The following CPQ variants were observed in gnomAD, a reference collection of about 807,000 sequenced individuals.
The protein encoded by CPQ is carboxypeptidase Q.
In CPQ, 37 loss-of-function variants were observed where a neutral mutation model predicts 45.7. The ratio of observed to expected loss-of-function variants is 0.81; its 90% CI spans 0.62 to 1.07. CPQ has a LOEUF of 1.07. CPQ is among the 50% of genes least tolerant of loss of function. CPQ has a pLI of 0.00. For missense variants in CPQ, 537 were observed against 572.9 expected (o/e 0.94, Z 0.64); for synonymous variants, 186 against 205.8 (o/e 0.90, Z 0.82).
intron 7 of CPQ, among the ~76,000 whole-genome samples, chr8:97,093,445 A>C (rs916328358): frequency 2.0e-5 from 3 of 152,206 alleles, no homozygotes; most frequent in African/African-American, 7.2e-5. Flanking sequence ...GTGGATAAAG[A>C]AAATACATTC....
chr8:96,849,541 C>T (rs966911792), intron 3 of CPQ, among the ~76,000 whole-genome samples: 1 of 152,214 alleles, frequency 6.6e-6, no homozygotes, highest in Admixed American at 6.5e-5. Context: ...CAATATATCT[C>T]CAGGTCAGCT....
Position 96,854,557 on chromosome 8 carries a change from A to AAAACCAC in CPQ, c.641+19379_641+19380insACCACAA, listed in dbSNP as rs1554573253. Among the ~76,000 whole-genome samples the AAAACCAC allele has an allele frequency of 5.2e-5, 4 of 76,866 alleles. 2 individuals are homozygous for AAAACCAC. The highest frequency in any genetic ancestry group is 2.0e-4 in the African/African-American group (4 of 19,998). 50.4% of individuals were successfully genotyped at this position (76,866 alleles called of 152,430 possible). On this transcript the variant is annotated intron_variant, in intron 3 of 7. Coordinates refer to ENST00000220763, the MANE Select transcript of CPQ (RefSeq NM_016134.4). ...AAAAAAAAAAAAAAAAAAAAAAAAA[A>AAAACCAC]AATGTGGTGGAACTAAAAGCCCAGT... is the stretch of plus-strand genomic sequence containing the variant.
chr8:96,774,732 A>T (rs1015928460), intron 1 of CPQ, among the ~76,000 whole-genome samples: 1 of 152,122 alleles, frequency 6.6e-6, no homozygotes, highest in African/African-American at 2.4e-5. Context: ...TTGGTGTTGG[A>T]TATTTAGAAT....
chr8:96,978,105 G>A (rs1813820407), intron 5 of CPQ, among the ~76,000 whole-genome samples: 2 of 151,906 alleles, frequency 1.3e-5, no homozygotes, highest in African/African-American at 4.8e-5. Context: ...TTTTTATTCT[G>A]ATATGTTATT....
Position 96,662,157 on chromosome 8 carries a change from G to C in CPQ, c.-35+16755G>C, listed in dbSNP as rs559128244. 2.0e-5 allele frequency among the ~76,000 whole-genome samples: 3 copies of C among 152,240 alleles called. No homozygotes were observed. The East Asian group carries it at 5.8e-4, about 29-fold the overall frequency. On this transcript the variant is annotated intron_variant, in intron 1 of 7. Transcript: ENST00000220763. Reference sequence around the variant, plus strand: ...TGTTTTCTTGTTGCTGAGTTTTTAAGAGTTCTTTGTATATTTTGGATAATA... The same window carrying C: ...TGTTTTCTTGTTGCTGAGTTTTTAACAGTTCTTTGTATATTTTGGATAATA...
chr8:97,124,848 A>G (rs1327584952), intron 7 of CPQ, among the ~76,000 whole-genome samples: 1 of 152,212 alleles, frequency 6.6e-6, no homozygotes, highest in Non-Finnish European at 1.5e-5. Context: ...TCAGTGATCT[A>G]GCTTCCACAT....
At chr8:96,777,201 C>T (rs1324868457) in intron 1 of CPQ, among the ~76,000 whole-genome samples, 2 of 151,962 alleles carry the variant, frequency 1.3e-5, no homozygotes, top group African/African-American at 4.8e-5. Context: ...GGCTGCTTTA[C>T]AATATGTGGC....
intron 4 of CPQ, among the ~76,000 whole-genome samples, chr8:96,921,653 C>A (rs1162364408): frequency 6.6e-6 from 1 of 152,120 alleles, no homozygotes; most frequent in Non-Finnish European, 1.5e-5. Context: ...CCAGGGAGGT[C>A]TTCCCATGAT....
intron 2 of CPQ, among the ~76,000 whole-genome samples, chr8:96,802,194 A>C (rs539831039): frequency 7.9e-5 from 12 of 151,944 alleles, no homozygotes; most frequent in Admixed American, 2.6e-4. Context: ...TCATGGCCTC[A>C]CCAACAGTGT....
intron 1 of CPQ, among the ~76,000 whole-genome samples, chr8:96,696,551 T>TA (rs1371544622): frequency 6.6e-6 from 1 of 150,950 alleles, no homozygotes; most frequent in African/African-American, 2.4e-5. Flanking sequence ...AAATTAAAAT[T>TA]AAAAAATAGT....
chr8:97,110,413 G>A (rs538954184), intron 7 of CPQ, among the ~76,000 whole-genome samples: 1 of 152,160 alleles, frequency 6.6e-6, no homozygotes, highest in East Asian at 1.9e-4. Flanking sequence ...GCATTTATGA[G>A]TAGAGCTACT....
At chr8:97,110,560 T>C (rs1302572028) in intron 7 of CPQ, among the ~76,000 whole-genome samples, 5 of 152,218 alleles carry the variant, frequency 3.3e-5, no homozygotes, top group Non-Finnish European at 7.3e-5. Flanking sequence ...AAGTGGTTTT[T>C]ACCCCTTTTC....
At chr8:96,902,436 A>C (rs1270067559) in intron 4 of CPQ, among the ~76,000 whole-genome samples, 1 of 152,172 alleles carries the variant, frequency 6.6e-6, no homozygotes, top group Non-Finnish European at 1.5e-5. Flanking sequence ...GCTCTTCTGA[A>C]TATTACTTAT....
chr8:96,942,582 C>T (rs1373765159), intron 4 of CPQ, among the ~76,000 whole-genome samples: 1 of 152,190 alleles, frequency 6.6e-6, no homozygotes, highest in Non-Finnish European at 1.5e-5. Flanking sequence ...CCATCACCAA[C>T]AACATAGGTT....
chr8:96,766,172 G>T (rs1586391885), intron 1 of CPQ, among the ~76,000 whole-genome samples: 1 of 152,142 alleles, frequency 6.6e-6, no homozygotes, highest in East Asian at 1.9e-4. Flanking sequence ...AATCAGATGA[G>T]ATATAGAAAA....
At chr8:96,674,915 C>T (rs1296095179) in intron 1 of CPQ, among the ~76,000 whole-genome samples, 2 of 151,844 alleles carry the variant, frequency 1.3e-5, no homozygotes, top group African/African-American at 4.8e-5. Flanking sequence ...TCAGACAGAC[C>T]ATAATCACAA....
At chr8:97,002,699 C>T (rs1401130359) in intron 5 of CPQ, among the ~76,000 whole-genome samples, 1 of 152,072 alleles carries the variant, frequency 6.6e-6, no homozygotes, top group East Asian at 1.9e-4. Flanking sequence ...AAAGAAAGTG[C>T]CATGTGGCGA....
rs187879437 is a variant in CPQ, at chr8:96,710,278, C to A, written c.-35+64876C>A. On this transcript the variant is annotated intron_variant, in intron 1 of 7. Transcript: ENST00000220763. ...AATTGAGCTTATTTGAATCTTCTCTCTTCTGTTTTGTTTATATTTTTAAAG... is the reference window on the plus strand; with the variant it reads ...AATTGAGCTTATTTGAATCTTCTCTATTCTGTTTTGTTTATATTTTTAAAG... Among the ~76,000 whole-genome samples the A allele has an allele frequency of 2.6e-4, 39 of 151,894 alleles. No homozygotes were observed. The East Asian group carries it at 6.4e-3, about 25-fold the overall frequency.
chr8:96,872,725 C>T (rs745372038), intron 3 of CPQ, among the ~76,000 whole-genome samples: 19 of 151,588 alleles, frequency 1.3e-4, no homozygotes, highest in African/African-American at 2.4e-4. Flanking sequence ...TTTTAACATA[C>T]GGTAGAATTA....
Sources: allele counts gnomAD v4.1 joint callset (sites outside exome capture counted in the v4.1 genomes callset), GRCh38; gene constraint gnomAD v4.1.1; transcripts MANE v1.5; gene names NCBI Gene and HGNC (gene_info 2026-07-23, HGNC 2026-07-21).